The following LAMA1 variants were observed in gnomAD, a reference collection of about 807,000 sequenced individuals.
LAMA1 encodes laminin subunit alpha-1.
LAMA1 carries 219 observed loss-of-function variants against 348.7 expected under a neutral mutation model. The ratio of observed to expected loss-of-function variants is 0.63; its 90% CI spans 0.56 to 0.70. The LOEUF (loss-of-function observed/expected upper bound fraction) is 0.70, where lower values mean the gene tolerates loss of function less well. Ranked by LOEUF, LAMA1 falls within the 30% of genes least tolerant of loss-of-function variation. The pLI, the probability that LAMA1 is intolerant of heterozygous loss-of-function variation, is 0.00. For synonymous variants in LAMA1, 1,487 were observed against 1,491.0 expected, an observed-to-expected ratio of 1.00 and a Z score of 0.06; for missense variants, 3,744 against 3,888.0, an observed-to-expected ratio of 0.96 and a Z score of 0.99.
At chr18:7,021,297 C>T (rs1251295618) in intron 19 of LAMA1, among the ~76,000 whole-genome samples, 3 of 152,090 alleles carry the variant, frequency 2.0e-5, no homozygotes, top group Non-Finnish European at 2.9e-5. Context: ...GTCCTGTGGC[C>T]GCTAACCACA....
At chr18:6,946,465 A>C (rs770876760) in intron 61 of LAMA1, among the ~76,000 whole-genome samples, 2 of 152,152 alleles carry the variant, frequency 1.3e-5, no homozygotes, top group Non-Finnish European at 2.9e-5. Flanking sequence ...TAATGTTTGT[A>C]ATCCCAGCAC....
chr18:6,947,041 G>A (rs1254502854), intron 61 of LAMA1, 122 bp downstream of exon 61: 3 of 1,293,576 alleles, frequency 2.3e-6, no homozygotes, highest in East Asian at 4.7e-5. Flanking sequence ...TTTTAAAATA[G>A]TAATGGGACC....
At chr18:7,019,440 T>C (rs1483016414) in intron 19 of LAMA1, among the ~76,000 whole-genome samples, 1 of 152,162 alleles carries the variant, frequency 6.6e-6, no homozygotes, top group Non-Finnish European at 1.5e-5. Context: ...GTATGATCAA[T>C]GTAAACTATT....
In LAMA1 at chr18:7,015,948, T is replaced by C. The variant is rs1600395265; in HGVS notation, c.2990-90A>G. 34 of 1,473,636 alleles carry C rather than the reference T, an allele frequency of 2.3e-5. No homozygotes were observed. In the East Asian group the frequency reaches 2.3e-4, roughly 10 times the overall value. 91.3% of individuals were successfully genotyped at this position (1,473,636 alleles called of 1,614,324 possible). On this transcript the variant is annotated intron_variant, in intron 21 of 62. Transcript: ENST00000389658. ...GCTGTTATTTCCCTTTTATTAAGAG[T>C]CCAAGCCACTCTTCTCACTCCTAAA...
rs541156860 is a variant in LAMA1, at chr18:7,107,907, T to A, written c.61+9753A>T. Among the ~76,000 whole-genome samples, 48 of 150,368 alleles carry A rather than the reference T, an allele frequency of 3.2e-4. No homozygotes were observed. In the Middle Eastern group the frequency reaches 0.021, roughly 66 times the overall value. ...CGGGTGCCTGTAGTCCCAGCTACTCTGGAGGCTGAGGCAGGAGAATGGCGT... is the reference window on the plus strand; with the variant it reads ...CGGGTGCCTGTAGTCCCAGCTACTCAGGAGGCTGAGGCAGGAGAATGGCGT... On this transcript the variant is annotated intron_variant, in intron 1 of 62. Coordinates refer to ENST00000389658, the MANE Select transcript of LAMA1 (RefSeq NM_005559.4).
chr18:7,080,180 A>G, intron 2 of LAMA1, 93 bp from the exon 3 acceptor site: 1 of 1,560,512 alleles, frequency 6.4e-7, no homozygotes, highest in Non-Finnish European at 8.8e-7. Flanking sequence ...AACAAAGAGC[A>G]GTGAAGGTGA....
Position 7,050,290 on chromosome 18 carries a change from G to A in LAMA1, c.588+404C>T, listed in dbSNP as rs559096482. Among the ~76,000 whole-genome samples, 8 of 152,312 alleles carry A rather than the reference G, an allele frequency of 5.3e-5. No individual in the cohort carries two copies. In the East Asian group the frequency reaches 1.4e-3, roughly 26 times the overall value. ...AAGGAAGTGTATACAATCTGGGCATGTTGGGCACTAAGCTGCAAGACTTCA... is the reference window on the plus strand; with the variant it reads ...AAGGAAGTGTATACAATCTGGGCATATTGGGCACTAAGCTGCAAGACTTCA... On this transcript the variant is annotated intron_variant, in intron 4 of 62. Transcript: ENST00000389658.
At chr18:7,049,944 A>C (rs903960673) in intron 4 of LAMA1, among the ~76,000 whole-genome samples, 1 of 152,242 alleles carries the variant, frequency 6.6e-6, no homozygotes, top group South Asian at 2.1e-4. Context: ...TACGGCATTC[A>C]TCACATTATG....
chr18:7,086,437 G>A (rs1170209277), intron 1 of LAMA1, among the ~76,000 whole-genome samples: 2 of 152,042 alleles, frequency 1.3e-5, no homozygotes, highest in African/African-American at 4.8e-5. Context: ...ACCTTTCATA[G>A]ATCCATTCAC....
In LAMA1 at chr18:6,997,745, G is replaced by C; in HGVS notation, c.4803C>G (p.Leu1601=). 6.2e-7 allele frequency: 1 copy of C among 1,613,666 alleles called. No individual in the cohort carries two copies. The highest frequency in any genetic ancestry group is 8.5e-7 in the Non-Finnish European group (1 of 1,179,580). ...LSNLENTTKY[L]QESLLKENMQ... is the part of the protein sequence containing the mutation. ...TCTCTGTATTTCCAGTACCTACCTG[G>C]AGATATTTAGTTGTATTTTCCAGGT... Residue 1601 remains leucine, a synonymous_variant, in exon 33 of 63, where the codon CTC becomes CTG. Coordinates refer to ENST00000389658, the MANE Select transcript of LAMA1 (RefSeq NM_005559.4).
intron 1 of LAMA1, 132 bp downstream of exon 1, chr18:7,117,528 G>T: frequency 1.1e-6 from 1 of 886,962 alleles, no homozygotes; most frequent in Non-Finnish European, 1.7e-6. Context: ...ACGTGGCCGA[G>T]ACACCCACTC....
Position 7,008,503 on chromosome 18 carries a change from C to A in LAMA1, c.4107G>T (p.Val1369=), listed in dbSNP as rs374423781. The change falls in exon 28 of 63, where the codon GTG becomes GTT. Residue 1369 remains valine, a synonymous_variant. Coordinates refer to ENST00000389658, the MANE Select transcript of LAMA1 (RefSeq NM_005559.4). The stretch of plus-strand genomic sequence containing the variant: ...GTCTCCGTACCTGACATGAGAATCC[C>A]ACAGTGCCAGGAGGACAGACACAAT... ...LENCVCPPGT[V]GFSCQDCAPG... 4 of 1,613,900 alleles carry A rather than the reference C, an allele frequency of 2.5e-6. No homozygotes were observed. The African/African-American group carries it at 5.3e-5, about 22-fold the overall frequency.
intron 3 of LAMA1, among the ~76,000 whole-genome samples, chr18:7,068,639 G>A (rs773429455): frequency 4.6e-5 from 7 of 152,124 alleles, no homozygotes; most frequent in Non-Finnish European, 8.8e-5. Flanking sequence ...GAAGTTCTGT[G>A]TAGAGAAAAG....
intron 3 of LAMA1, among the ~76,000 whole-genome samples, chr18:7,073,875 G>A (rs1048265192): frequency 1.6e-5 from 1 of 63,836 alleles, no homozygotes; most frequent in South Asian, 8.0e-4. Flanking sequence ...TTGCTCTGTC[G>A]CCAGGCTGGA....
Position 6,948,332 on chromosome 18 carries a change from T to C in LAMA1, c.8710+71A>G. 3 of 1,594,724 alleles carry C rather than the reference T, an allele frequency of 1.9e-6. No homozygotes were observed. In the South Asian group the frequency reaches 3.3e-5, roughly 18 times the overall value. On this transcript the variant is annotated intron_variant, in intron 60 of 62. Coordinates refer to ENST00000389658, the MANE Select transcript of LAMA1 (RefSeq NM_005559.4). ...TTGTCCAGTGGGTCCTGTCTTATAC[T>C]CTTGGATCCACATCGCTTTAGAGTA...
Position 6,965,631 on chromosome 18 carries a change from G to A in LAMA1, c.7051-199C>T, listed in dbSNP as rs535857117. ...AACACTACACTAATATAAATGAAAT[G>A]TCATCTGTTGTTACCAAAATCCACA... On this transcript the variant is annotated intron_variant, in intron 49 of 62. Transcript: ENST00000389658. 4 of 593,014 alleles carry A rather than the reference G, an allele frequency of 6.7e-6. No individual in the cohort carries two copies. The African/African-American group carries it at 7.4e-5, about 11-fold the overall frequency. 36.7% of individuals were successfully genotyped at this position (593,014 alleles called of 1,614,324 possible).
At chr18:6,998,701 C>A (rs2057793683) in intron 32 of LAMA1, among the ~76,000 whole-genome samples, 1 of 152,142 alleles carries the variant, frequency 6.6e-6, no homozygotes, top group African/African-American at 2.4e-5. Flanking sequence ...CATGCACTTG[C>A]TGGTAGAATA....
At chr18:7,006,221 G>C (rs1024964622) in intron 29 of LAMA1, among the ~76,000 whole-genome samples, 1 of 152,104 alleles carries the variant, frequency 6.6e-6, no homozygotes, top group Non-Finnish European at 1.5e-5. Flanking sequence ...TCAGGGCTGC[G>C]AGGCTTCTGT....
At chr18:7,065,514 G>A (rs1341426728) in intron 3 of LAMA1, among the ~76,000 whole-genome samples, 1 of 152,066 alleles carries the variant, frequency 6.6e-6, no homozygotes, top group African/African-American at 2.4e-5. Flanking sequence ...ATCACTTGAG[G>A]CCAGGAGTTC....
Sources: gnomAD v4.1 joint callset for allele counts (sites outside exome capture counted in the v4.1 genomes callset) on GRCh38, gnomAD v4.1.1 for gene constraint, MANE v1.5 for transcripts, NCBI Gene and HGNC (gene_info 2026-07-23, HGNC 2026-07-21) for gene names.